The following NALCN variants were observed in gnomAD, a reference collection of about 807,000 sequenced individuals.
NALCN encodes sodium leak channel, non-selective.
In NALCN, 111 loss-of-function variants were observed where a neutral mutation model predicts 225.3. That is an observed-to-expected ratio of 0.49 (90% confidence interval 0.42 to 0.58). NALCN has a LOEUF of 0.58. Among genes scored for constraint, NALCN ranks in the 20% least tolerant of loss-of-function variants. NALCN has a pLI of 0.00. For synonymous variants in NALCN, 764 were observed against 769.0 expected (o/e 0.99, Z 0.11); for missense variants, 1,378 against 2,202.4 (o/e 0.63, Z 7.49).
Position 101,334,957 on chromosome 13 carries a change from A to C in NALCN, c.799+10309T>G, listed in dbSNP as rs185022565. 3.3e-5 allele frequency among the ~76,000 whole-genome samples: 5 copies of C among 152,318 alleles called. No homozygotes were observed. In the East Asian group the frequency reaches 9.6e-4, roughly 29 times the overall value. ...ATTTATTACTTTCTTAAATCATTAA[A>C]TCTCTTACATTATTTGAAGTATTAC... On this transcript the variant is annotated intron_variant, in intron 7 of 43. Transcript: ENST00000251127.
chr13:101,055,661 T>A (rs181231732), intron 43 of NALCN, among the ~76,000 whole-genome samples, 173 bp from the exon 44 acceptor site: 4 of 152,300 alleles, frequency 2.6e-5, no homozygotes, highest in African/African-American at 7.2e-5. Context: ...CGATAGATTT[T>A]TTTTTTAATT....
intron 31 of NALCN, 28 bp from the exon 32 acceptor site, chr13:101,083,226 AT>A: frequency 6.4e-7 from 1 of 1,556,226 alleles, no homozygotes; most frequent in Non-Finnish European, 8.9e-7. Flanking sequence ...GGGCAAGGGC[AT>A]TTTAGACACA....
At chr13:101,080,866 C>A (rs984928085) in intron 34 of NALCN, among the ~76,000 whole-genome samples, 5 of 151,614 alleles carry the variant, frequency 3.3e-5, no homozygotes, top group African/African-American at 7.3e-5. Flanking sequence ...TCTGTGGCCA[C>A]ATTTTATTTT....
intron 12 of NALCN, among the ~76,000 whole-genome samples, chr13:101,230,589 C>T (rs1452681174): frequency 6.6e-6 from 1 of 152,106 alleles, no homozygotes; most frequent in East Asian, 1.9e-4. Flanking sequence ...TTTAAAATAC[C>T]TTTCTCTTGC....
At chr13:101,263,314 G>A (rs1594556412) in intron 10 of NALCN, among the ~76,000 whole-genome samples, 1 of 152,104 alleles carries the variant, frequency 6.6e-6, no homozygotes, top group African/African-American at 2.4e-5. Context: ...ACACAGATAG[G>A]CAAATCATCT....
intron 6 of NALCN, among the ~76,000 whole-genome samples, chr13:101,357,610 C>A (rs1429786070): frequency 6.6e-6 from 1 of 151,834 alleles, no homozygotes; most frequent in Admixed American, 6.6e-5. Context: ...CCATACTGCC[C>A]AAAATAAATT....
intron 13 of NALCN, among the ~76,000 whole-genome samples, chr13:101,221,961 A>G (rs1162589611): frequency 2.0e-5 from 3 of 151,900 alleles, no homozygotes; most frequent in East Asian, 3.9e-4. Flanking sequence ...CCAACCACTC[A>G]CTCCCACCCC....
At chr13:101,170,303 G>T (rs2038652482) in intron 15 of NALCN, among the ~76,000 whole-genome samples, 2 of 152,154 alleles carry the variant, frequency 1.3e-5, no homozygotes, top group Non-Finnish European at 1.5e-5. Flanking sequence ...TTGTTTACAT[G>T]GTGCAGGCAA....
chr13:101,073,775 C>A (rs2033066202), intron 36 of NALCN, 98 bp from the exon 37 acceptor site: 1 of 1,011,390 alleles, frequency 9.9e-7, no homozygotes, highest in South Asian at 1.5e-5. Context: ...GAGGTTGTAG[C>A]AAATTTGGTT....
chr13:101,301,952 C>G (rs2043988413), intron 7 of NALCN, among the ~76,000 whole-genome samples: 3 of 152,058 alleles, frequency 2.0e-5, no homozygotes, highest in Admixed American at 2.0e-4. Context: ...TTCAATTGTC[C>G]TAAAGAGTAC....
rs755526624 is a variant in NALCN, at chr13:101,089,799, T to C, written c.3391-38A>G. The C allele has an allele frequency of 1.9e-5, 31 of 1,613,934 alleles. No homozygotes were observed. Among genetic ancestry groups the C allele is most frequent in the Non-Finnish European group, 2.5e-5 (30 of 1,179,892 alleles). On this transcript the variant is annotated intron_variant, in intron 29 of 43. Transcript: ENST00000251127. The surrounding 1 kb of genome is among the most constrained non-coding windows in gnomAD (Gnocchi z 4.7). Reference sequence around the variant, plus strand: ...AAATATGGTTATTCATCAAAACAAATGAAAGCTGCTCTTGAAGTGTTCAAA... The same window carrying C: ...AAATATGGTTATTCATCAAAACAAACGAAAGCTGCTCTTGAAGTGTTCAAA...
chr13:101,328,570 T>C (rs974075390), intron 7 of NALCN, among the ~76,000 whole-genome samples: 4 of 152,222 alleles, frequency 2.6e-5, no homozygotes, highest in Non-Finnish European at 5.9e-5. Context: ...GGAATGAATA[T>C]AGACATAGGT....
chr13:101,164,092 A>G (rs1426226048), intron 15 of NALCN, among the ~76,000 whole-genome samples: 1 of 152,138 alleles, frequency 6.6e-6, no homozygotes, highest in African/African-American at 2.4e-5. Context: ...GATTGCATCT[A>G]CAAAGACCCT....
chr13:101,139,011 T>C (rs537065053), intron 17 of NALCN, among the ~76,000 whole-genome samples: 3 of 152,246 alleles, frequency 2.0e-5, no homozygotes, highest in South Asian at 2.1e-4. Context: ...GGGAAGGTCG[T>C]TTCTATGGAG....
At chr13:101,251,587 G>T (rs969457837) in intron 11 of NALCN, among the ~76,000 whole-genome samples, 1 of 151,888 alleles carries the variant, frequency 6.6e-6, no homozygotes, top group African/African-American at 2.4e-5. Flanking sequence ...TTCTAATTAA[G>T]AAGGAAATAA....
At chr13:101,332,215 A>C (rs2045202347) in intron 7 of NALCN, among the ~76,000 whole-genome samples, 1 of 152,086 alleles carries the variant, frequency 6.6e-6, no homozygotes, top group Non-Finnish European at 1.5e-5. Context: ...AATACCTAAA[A>C]ACCTTCCAGA....
intron 3 of NALCN, among the ~76,000 whole-genome samples, chr13:101,385,772 T>A (rs894439225): frequency 3.3e-5 from 5 of 152,146 alleles, no homozygotes; most frequent in Non-Finnish European, 1.5e-5. Context: ...AAAAATTGAG[T>A]TTACCAACCC....
At chr13:101,318,422 A>G (rs978449106) in intron 7 of NALCN, among the ~76,000 whole-genome samples, 4 of 152,202 alleles carry the variant, frequency 2.6e-5, no homozygotes, top group Non-Finnish European at 5.9e-5. Context: ...ATCCCTAAGC[A>G]TGAACATTAT....
intron 33 of NALCN, 22 bp from the exon 34 acceptor site, chr13:101,081,668 A>C: frequency 6.2e-7 from 1 of 1,613,554 alleles, no homozygotes; most frequent in Admixed American, 1.7e-5. Flanking sequence ...GCAAAGAAGA[A>C]AATAAACAGA....
Sources: allele counts gnomAD v4.1 joint callset (sites outside exome capture counted in the v4.1 genomes callset), GRCh38; gene constraint gnomAD v4.1.1; non-coding constraint Gnocchi (gnomAD v3.1); transcripts MANE v1.5; gene names NCBI Gene and HGNC (gene_info 2026-07-23, HGNC 2026-07-21).